VTA1: variants seen among roughly 807,000 people sequenced by gnomAD.
The protein encoded by VTA1 is vesicle trafficking 1.
Under a neutral mutation model 36.9 loss-of-function variants are expected in VTA1, and 24 were observed. The ratio of observed to expected loss-of-function variants is 0.65; its 90% CI spans 0.47 to 0.91. The LOEUF is 0.91. Among genes scored for constraint, VTA1 ranks in the 40% least tolerant of loss-of-function variants. The pLI is 0.00. For missense variants in VTA1, 393 were observed against 377.2 expected (o/e 1.04, Z -0.35); for synonymous variants, 142 against 130.2 (o/e 1.09, Z -0.62).
chr6:142,209,384 CT>C (rs1775856080), intron 7 of VTA1, among the ~76,000 whole-genome samples: 1 of 148,226 alleles, frequency 6.7e-6, no homozygotes. Context: ...TGTATATACA[CT>C]ATGTGTATAT....
At chr6:142,188,101 G>C (rs1218135566) in intron 4 of VTA1, among the ~76,000 whole-genome samples, 1 of 150,380 alleles carries the variant, frequency 6.6e-6, no homozygotes, top group Non-Finnish European at 1.5e-5. Flanking sequence ...TAGAGACGGG[G>C]TTTCACCATA....
chr6:142,199,279 AAG>A (rs1335850273), intron 6 of VTA1, among the ~76,000 whole-genome samples: 3 of 152,176 alleles, frequency 2.0e-5, no homozygotes, highest in Non-Finnish European at 4.4e-5. Flanking sequence ...AGGGTCAGTA[AAG>A]ACACTTTGAC....
intron 5 of VTA1, among the ~76,000 whole-genome samples, chr6:142,192,422 G>C (rs1305697307): frequency 2.0e-5 from 3 of 152,020 alleles, no homozygotes; most frequent in East Asian, 1.9e-4. Context: ...ACCATCGTAT[G>C]TTGATGAGCA....
chr6:142,166,213 T>G lies in VTA1; in HGVS notation c.113-15T>G, dbSNP rs768064815. ...AAAAATGAAATTGTTCAAATTATCTTACTTTTCTTTCTAGGTCGTTTATAC... is the reference window on the plus strand; with the variant it reads ...AAAAATGAAATTGTTCAAATTATCTGACTTTTCTTTCTAGGTCGTTTATAC... On this transcript the variant is annotated splice_polypyrimidine_tract_variant and intron_variant, in intron 1 of 7. Transcript: ENST00000367630. The G allele has an allele frequency of 1.3e-6, 2 of 1,572,606 alleles. No homozygotes were observed. The highest frequency in any genetic ancestry group is 1.4e-5 in the African/African-American group (1 of 74,024).
In VTA1 at chr6:142,189,531, A is replaced by C; in HGVS notation, c.517A>C (p.Asn173His). The change falls in exon 5 of 8, where the codon AAT (asparagine) becomes CAT (histidine). Residue 173 changes from asparagine (N) to histidine (H), a missense_variant. Asn to His is a moderately conservative substitution (Grantham distance 68). Transcript: ENST00000367630. ...QAGPVGIEED[N>H]DIEENEDAGA... ...AGGCCCTGTTGGAATTGAAGAAGAT[A>C]ATGGTATGTATTTATTTATTCTGAG... is the stretch of plus-strand genomic sequence containing the variant. 6.3e-7 allele frequency: 1 copy of C among 1,581,824 alleles called. No homozygotes were observed. The highest frequency in any genetic ancestry group is 8.6e-7 in the Non-Finnish European group (1 of 1,157,782).
chr6:142,208,656 G>A (rs549158137), intron 7 of VTA1, among the ~76,000 whole-genome samples: 1 of 152,146 alleles, frequency 6.6e-6, no homozygotes, highest in South Asian at 2.1e-4. Context: ...AAAGGCCAAG[G>A]ACAAAGAGAA....
chr6:142,210,528 A>G (rs1304450595), intron 7 of VTA1, among the ~76,000 whole-genome samples: 2 of 152,236 alleles, frequency 1.3e-5, no homozygotes, highest in Non-Finnish European at 2.9e-5. Context: ...CAATCCATCT[A>G]TCTGACAAGG....
At chr6:142,167,381 AC>A (rs1158512528) in intron 2 of VTA1, among the ~76,000 whole-genome samples, 5 of 152,020 alleles carry the variant, frequency 3.3e-5, no homozygotes, top group Non-Finnish European at 5.9e-5. Context: ...CAAGACTGTT[AC>A]ATTAATAGTC....
At chr6:142,199,113 TAGAC>T (rs958079591) in intron 6 of VTA1, among the ~76,000 whole-genome samples, 2 of 151,382 alleles carry the variant, frequency 1.3e-5, no homozygotes, top group Admixed American at 1.3e-4. Flanking sequence ...AATGAAATCA[TAGAC>T]AGGTGAAAGC....
intron 5 of VTA1, among the ~76,000 whole-genome samples, chr6:142,196,574 C>G (rs2114671659): frequency 6.6e-6 from 1 of 151,706 alleles, no homozygotes; most frequent in Admixed American, 6.6e-5. Context: ...TGTTTTTTTT[C>G]TCTTACAGTT....
chr6:142,161,888 A>G (rs1056553842), intron 1 of VTA1, among the ~76,000 whole-genome samples: 1 of 152,162 alleles, frequency 6.6e-6, no homozygotes, highest in Non-Finnish European at 1.5e-5. Flanking sequence ...ATCTTATGGT[A>G]AATTTTTTGT....
At chr6:142,198,782 T>C in intron 6 of VTA1, 167 bp downstream of exon 6, 1 of 571,526 alleles carries the variant, frequency 1.7e-6, no homozygotes, top group Admixed American at 3.5e-5. Context: ...AAAATTTTAA[T>C]ATTAGTTGTA....
chr6:142,176,700 A>T (rs898102832), intron 4 of VTA1, among the ~76,000 whole-genome samples: 9 of 152,160 alleles, frequency 5.9e-5, no homozygotes, highest in African/African-American at 2.2e-4. Context: ...TTAAAAAGGC[A>T]TACAGATAGA....
chr6:142,187,121 T>C (rs1182438356), intron 4 of VTA1, among the ~76,000 whole-genome samples: 1 of 152,206 alleles, frequency 6.6e-6, no homozygotes, highest in Non-Finnish European at 1.5e-5. Context: ...TAAAACATAA[T>C]TCATATTTAA....
intron 4 of VTA1, among the ~76,000 whole-genome samples, chr6:142,186,766 T>TCA (rs1448854785): frequency 4.6e-5 from 7 of 152,036 alleles, no homozygotes; most frequent in Non-Finnish European, 8.8e-5. Flanking sequence ...ATTCATAAAT[T>TCA]TAAGAATAAT....
chr6:142,213,597 C>T (rs1346121971), intron 7 of VTA1, among the ~76,000 whole-genome samples: 1 of 152,230 alleles, frequency 6.6e-6, no homozygotes, highest in Non-Finnish European at 1.5e-5. Flanking sequence ...TCCACCAGTG[C>T]AGCACACTTC....
At chr6:142,214,108 C>CCTA (rs1214951581) in intron 7 of VTA1, among the ~76,000 whole-genome samples, 1 of 152,050 alleles carries the variant, frequency 6.6e-6, no homozygotes, top group Non-Finnish European at 1.5e-5. Context: ...TGCATATGAG[C>CCTA]CTACACTTTT....
At chr6:142,211,042 T>C (rs548086975) in intron 7 of VTA1, among the ~76,000 whole-genome samples, 16 of 152,256 alleles carry the variant, frequency 1.1e-4, no homozygotes, top group African/African-American at 3.9e-4. Context: ...TAGAGGTCAT[T>C]GTTTGAAATA....
At chr6:142,161,724 A>G (rs2114637081) in intron 1 of VTA1, among the ~76,000 whole-genome samples, 1 of 152,194 alleles carries the variant, frequency 6.6e-6, no homozygotes, top group Non-Finnish European at 1.5e-5. Context: ...TTTTCATCGT[A>G]TTGCTGCTGC....
Sources: allele counts gnomAD v4.1 joint callset (sites outside exome capture counted in the v4.1 genomes callset), GRCh38; gene constraint gnomAD v4.1.1; transcripts MANE v1.5; gene names NCBI Gene and HGNC (gene_info 2026-07-23, HGNC 2026-07-21).